GPC6: variants seen among roughly 807,000 people sequenced by gnomAD.
GPC6 encodes glypican 6, also known as glypican-6.
GPC6 carries 14 observed loss-of-function variants against 55.2 expected under a neutral mutation model. That is an observed-to-expected ratio of 0.25 (90% CI 0.17 to 0.40). The LOEUF (loss-of-function observed/expected upper bound fraction) is 0.40, where lower values mean the gene tolerates loss of function less well. Among genes scored for constraint, GPC6 ranks in the 10% least tolerant of loss-of-function variants. The pLI, the probability that GPC6 is intolerant of heterozygous loss-of-function variation, is 1.00. For synonymous variants in GPC6, 278 were observed against 259.6 expected (o/e 1.07, Z -0.68); for missense variants, 641 against 708.5 (o/e 0.90, Z 1.08).
At chr13:93,940,444 GGA>G (rs1878678580) in intron 3 of GPC6, among the ~76,000 whole-genome samples, 1 of 151,682 alleles carries the variant, frequency 6.6e-6, no homozygotes, top group Non-Finnish European at 1.5e-5. Flanking sequence ...ATGGATGGAT[GGA>G]TGAATGGATG....
At chr13:93,344,135 T>A (rs1880354305) in intron 1 of GPC6, among the ~76,000 whole-genome samples, 1 of 152,184 alleles carries the variant, frequency 6.6e-6, no homozygotes, top group Non-Finnish European at 1.5e-5. Flanking sequence ...CCTCCTCCAC[T>A]TCCTACTTCC....
chr13:94,396,771 A>G (rs1038035228), intron 7 of GPC6, among the ~76,000 whole-genome samples: 1 of 152,168 alleles, frequency 6.6e-6, no homozygotes, highest in Non-Finnish European at 1.5e-5. Flanking sequence ...AAGTGGGTGG[A>G]GACCCTTTGA....
intron 4 of GPC6, among the ~76,000 whole-genome samples, chr13:94,174,946 C>A (rs1240021579): frequency 6.6e-6 from 1 of 152,096 alleles, no homozygotes; most frequent in Non-Finnish European, 1.5e-5. Context: ...CTGTAGCTAT[C>A]TCTGAGATCA....
chr13:93,879,971 T>C (rs1028594875), intron 3 of GPC6, among the ~76,000 whole-genome samples: 4 of 150,750 alleles, frequency 2.7e-5, no homozygotes, highest in Admixed American at 6.6e-5. Flanking sequence ...AAAATGCTCA[T>C]CATCACTGGC....
intron 4 of GPC6, among the ~76,000 whole-genome samples, chr13:94,251,456 C>T (rs1333637724): frequency 8.2e-5 from 7 of 84,920 alleles, no homozygotes; most frequent in African/African-American, 7.3e-5. Context: ...TATCCCAGAA[C>T]TTAAAGGAAA....
At chr13:93,856,720 G>A (rs1433227359) in intron 3 of GPC6, among the ~76,000 whole-genome samples, 1 of 151,620 alleles carries the variant, frequency 6.6e-6, no homozygotes, top group Non-Finnish European at 1.5e-5. Flanking sequence ...TGGTGGACAT[G>A]TTTGAGGTGG....
intron 1 of GPC6, among the ~76,000 whole-genome samples, chr13:93,285,219 T>C (rs781279247): frequency 2.0e-5 from 3 of 152,236 alleles, no homozygotes; most frequent in Non-Finnish European, 4.4e-5. Context: ...ACTTAAAATA[T>C]ACAGAGAGGA....
chr13:93,239,569 C>T (rs1166872341), intron 1 of GPC6, among the ~76,000 whole-genome samples: 6 of 151,516 alleles, frequency 4.0e-5, no homozygotes, highest in Non-Finnish European at 7.4e-5. Flanking sequence ...TCAATTTTAT[C>T]TTTTCGAAGA....
At chr13:94,214,632 A>G (rs1467774905) in intron 4 of GPC6, among the ~76,000 whole-genome samples, 2 of 152,126 alleles carry the variant, frequency 1.3e-5, no homozygotes, top group Non-Finnish European at 2.9e-5. Flanking sequence ...ATCTATTTAC[A>G]TGGATTGGAA....
intron 4 of GPC6, chr13:94,154,367 C>T (rs1053787484): frequency 3.3e-5 from 5 of 152,002 alleles, no homozygotes; most frequent in African/African-American, 9.7e-5. Context: ...TTTTTTTCCT[C>T]CTTCACATTT....
At chr13:94,175,876 G>C (rs1888732024) in intron 4 of GPC6, among the ~76,000 whole-genome samples, 1 of 144,518 alleles carries the variant, frequency 6.9e-6, no homozygotes, top group Non-Finnish European at 1.5e-5. Flanking sequence ...TATAAAAGAT[G>C]TTTATACTTT....
At chr13:93,947,156 A>G in intron 3 of GPC6, among the ~76,000 whole-genome samples, 1 of 152,190 alleles carries the variant, frequency 6.6e-6, no homozygotes, top group East Asian at 1.9e-4. Context: ...AGTCCTTCCT[A>G]GATGTGCCAG....
intron 1 of GPC6, among the ~76,000 whole-genome samples, chr13:93,400,914 A>G (rs1421840496): frequency 6.6e-6 from 1 of 152,124 alleles, no homozygotes; most frequent in Non-Finnish European, 1.5e-5. Context: ...TGCCAAGGAC[A>G]GAATTACTTG....
chr13:93,747,506 A>G (rs1481050535), intron 2 of GPC6, among the ~76,000 whole-genome samples: 1 of 152,166 alleles, frequency 6.6e-6, no homozygotes, highest in Non-Finnish European at 1.5e-5. Flanking sequence ...TCGCTGTCGC[A>G]TTCCCATCAT....
intron 4 of GPC6, among the ~76,000 whole-genome samples, chr13:94,178,167 T>TG (rs1888856473): frequency 6.6e-6 from 1 of 152,034 alleles, no homozygotes; most frequent in South Asian, 2.1e-4. Context: ...GCCCTGCTAA[T>TG]TTTTGTATTT....
chr13:94,360,711 T>G (rs9589969), intron 6 of GPC6, among the ~76,000 whole-genome samples: 32,596 of 151,948 alleles, frequency 0.21, 3,623 homozygotes, highest in South Asian at 0.34. Context: ...GCTATCCTCC[T>G]CCCCCCAAAT....
intron 6 of GPC6, among the ~76,000 whole-genome samples, chr13:94,318,766 G>A (rs1234982591): frequency 6.6e-6 from 1 of 152,120 alleles, no homozygotes; most frequent in Non-Finnish European, 1.5e-5. Context: ...TATGGATGAT[G>A]TATATATTTC....
intron 1 of GPC6, among the ~76,000 whole-genome samples, chr13:93,488,020 GC>G (rs1261699126): frequency 6.6e-6 from 1 of 152,092 alleles, no homozygotes; most frequent in African/African-American, 2.4e-5. Flanking sequence ...TGCACAACGT[GC>G]AGGTTTGTTA....
At chr13:94,036,726 C>T (rs1883347182) in intron 4 of GPC6, among the ~76,000 whole-genome samples, 1 of 151,958 alleles carries the variant, frequency 6.6e-6, no homozygotes, top group African/African-American at 2.4e-5. Context: ...CCGGCAGTGA[C>T]CCTCTCCTAC....
Sources: gnomAD v4.1 joint callset for allele counts (sites outside exome capture counted in the v4.1 genomes callset) on GRCh38, gnomAD v4.1.1 for gene constraint, MANE v1.5 for transcripts, NCBI Gene and HGNC (gene_info 2026-07-23, HGNC 2026-07-21) for gene names.